Variants in SETBP1 observed in about 807,000 individuals in gnomAD.
The protein encoded by SETBP1 is SET-binding protein.
A neutral mutation model predicts 101.0 loss-of-function variants in SETBP1; 9 were observed. The ratio of observed to expected loss-of-function variants is 0.09; its 90% confidence interval spans 0.05 to 0.16. SETBP1 has a LOEUF of 0.16. SETBP1 is among the 10% of genes least tolerant of loss of function. The pLI is 1.00. For synonymous variants in SETBP1, 818 were observed against 788.5 expected, an observed-to-expected ratio of 1.04 and a Z score of -0.63; for missense variants, 1,858 against 2,033.8, an observed-to-expected ratio of 0.91 and a Z score of 1.66.
chr18:45,038,700 A>T, intron 5 of SETBP1, 45 bp downstream of exon 5: 1 of 1,605,842 alleles, frequency 6.2e-7, no homozygotes, highest in Non-Finnish European at 8.5e-7. Context: ...AGCAAGATGA[A>T]TGTGGAGAAA....
Position 44,792,495 on chromosome 18 carries a change from G to T in SETBP1, c.487-76735G>T, listed in dbSNP as rs1404250326. ...ACTGTGCACCCAACTTTGGTTCCGGGTCTTTGGTGGTAGAGCCAGCATAGG... is the reference window on the plus strand; with the variant it reads ...ACTGTGCACCCAACTTTGGTTCCGGTTCTTTGGTGGTAGAGCCAGCATAGG... On this transcript the variant is annotated intron_variant, in intron 2 of 5. Coordinates refer to ENST00000649279, the MANE Select transcript of SETBP1 (RefSeq NM_015559.3). Among the ~76,000 whole-genome samples, 7 of 152,202 alleles carry T rather than the reference G, an allele frequency of 4.6e-5. No individual in the cohort carries two copies. The East Asian group carries it at 1.3e-3, about 29-fold the overall frequency.
chr18:44,992,326 G>C (rs1194458832), intron 4 of SETBP1, among the ~76,000 whole-genome samples: 1 of 151,974 alleles, frequency 6.6e-6, no homozygotes, highest in Non-Finnish European at 1.5e-5. Flanking sequence ...TTTTTTTAAA[G>C]ACTGATTGAT....
intron 2 of SETBP1, among the ~76,000 whole-genome samples, chr18:44,853,651 G>A (rs2072915800): frequency 6.6e-6 from 1 of 152,194 alleles, no homozygotes; most frequent in Non-Finnish European, 1.5e-5. Flanking sequence ...CATTCTAACT[G>A]CACAAGTGAA....
intron 1 of SETBP1, among the ~76,000 whole-genome samples, chr18:44,685,594 C>G (rs1267155869): frequency 6.6e-6 from 1 of 152,144 alleles, no homozygotes; most frequent in East Asian, 1.9e-4. Context: ...CCTCTCTGAG[C>G]CTCCGGAACC....
At chr18:44,820,554 CTG>C (rs1268131087) in intron 2 of SETBP1, among the ~76,000 whole-genome samples, 1 of 152,160 alleles carries the variant, frequency 6.6e-6, no homozygotes, top group African/African-American at 2.4e-5. Flanking sequence ...CCTTTACAAA[CTG>C]TGCAGGCACA....
At chr18:44,848,963 C>G (rs1568179116) in intron 2 of SETBP1, among the ~76,000 whole-genome samples, 1 of 152,174 alleles carries the variant, frequency 6.6e-6, no homozygotes, top group Admixed American at 6.5e-5. Context: ...CTATCTATTA[C>G]AAATTAAGCT....
chr18:44,767,183 C>T (rs1482316213), intron 2 of SETBP1, among the ~76,000 whole-genome samples: 1 of 152,234 alleles, frequency 6.6e-6, no homozygotes, highest in African/African-American at 2.4e-5. Flanking sequence ...ATCTCCCTCT[C>T]CTGGGGATGT....
At chr18:45,000,620 G>C (rs1736870538) in intron 4 of SETBP1, among the ~76,000 whole-genome samples, 2 of 152,116 alleles carry the variant, frequency 1.3e-5, no homozygotes, top group Admixed American at 1.3e-4. Context: ...TTTTAGGCTT[G>C]ATAAGGAAGC....
At chr18:44,690,510 T>G (rs934304836) in intron 1 of SETBP1, among the ~76,000 whole-genome samples, 8 of 152,252 alleles carry the variant, frequency 5.3e-5, no homozygotes, top group Admixed American at 1.3e-4. Flanking sequence ...GTTCAGTTTA[T>G]CCTCATTGCC....
intron 4 of SETBP1, among the ~76,000 whole-genome samples, chr18:44,974,609 A>G (rs2071944854): frequency 6.6e-6 from 1 of 152,234 alleles, no homozygotes; most frequent in South Asian, 2.1e-4. Flanking sequence ...TCATGTGCAC[A>G]GGTGGGTGAC....
At chr18:44,753,753 T>C (rs946104351) in intron 2 of SETBP1, among the ~76,000 whole-genome samples, 1 of 151,848 alleles carries the variant, frequency 6.6e-6, no homozygotes, top group African/African-American at 2.4e-5. Flanking sequence ...ACACTAAAGG[T>C]GGTGTGTGGT....
At chr18:44,688,595 G>A (rs967018670) in intron 1 of SETBP1, among the ~76,000 whole-genome samples, 1 of 151,368 alleles carries the variant, frequency 6.6e-6, no homozygotes, top group Admixed American at 6.6e-5. Context: ...TGGGATTATA[G>A]TCACCCGCCA....
intron 4 of SETBP1, among the ~76,000 whole-genome samples, chr18:45,032,486 T>G (rs943250338): frequency 6.6e-6 from 1 of 152,180 alleles, no homozygotes; most frequent in Non-Finnish European, 1.5e-5. Context: ...AAATTTATCT[T>G]AGAATGAAAG....
chr18:44,798,958 G>A (rs1180366820), intron 2 of SETBP1, among the ~76,000 whole-genome samples: 1 of 152,178 alleles, frequency 6.6e-6, no homozygotes, highest in Non-Finnish European at 1.5e-5. Context: ...GATAGGCAGT[G>A]CTAGGCCTCT....
rs79305193 is a variant in SETBP1, at chr18:45,038,791, G to A, written c.4171+136G>A. On this transcript the variant is annotated intron_variant, in intron 5 of 5. Coordinates refer to ENST00000649279, the MANE Select transcript of SETBP1 (RefSeq NM_015559.3). ...CCCCTAGACTCTGAACATGGGAGCC[G>A]TTTCAGCACTGGCTCTTTGAAGTGG... The A allele has an allele frequency of 8.4e-3, 7,111 of 851,118 alleles. 40 individuals are homozygous for A. Among genetic ancestry groups the A allele is most frequent in the Non-Finnish European group, 0.011 (5,902 of 533,218 alleles). 52.7% of individuals were successfully genotyped at this position (851,118 alleles called of 1,614,324 possible).
intron 2 of SETBP1, among the ~76,000 whole-genome samples, chr18:44,801,941 A>G (rs1224114851): frequency 1.3e-5 from 2 of 152,088 alleles, no homozygotes; most frequent in African/African-American, 2.4e-5. Flanking sequence ...TCCATTTCAT[A>G]CCCTAATGAG....
intron 5 of SETBP1, among the ~76,000 whole-genome samples, chr18:45,060,250 C>A (rs796728695): frequency 9.8e-4 from 150 of 152,298 alleles, no homozygotes; most frequent in African/African-American, 3.4e-3. Context: ...GTAAAGCAGG[C>A]AAGCTTGACC....
intron 5 of SETBP1, among the ~76,000 whole-genome samples, chr18:45,061,070 G>A (rs1367363645): frequency 6.6e-6 from 1 of 152,200 alleles, no homozygotes; most frequent in Admixed American, 6.5e-5. Context: ...GTAAATGAAA[G>A]CTTTGCTTGG....
chr18:44,933,935 A>C (rs185415314), intron 3 of SETBP1, among the ~76,000 whole-genome samples: 356 of 152,194 alleles, frequency 2.3e-3, no homozygotes, highest in African/African-American at 7.7e-3. Flanking sequence ...CATGGGCTGC[A>C]CCCACTGTCT....
Sources: gnomAD v4.1 joint callset for allele counts (sites outside exome capture counted in the v4.1 genomes callset) on GRCh38, gnomAD v4.1.1 for gene constraint, MANE v1.5 for transcripts, NCBI Gene and HGNC (gene_info 2026-07-23, HGNC 2026-07-21) for gene names.